VWA3A: variants seen among roughly 807,000 people sequenced by gnomAD.
VWA3A encodes von Willebrand factor A domain-containing protein 3A.
Under a neutral mutation model 160.4 loss-of-function variants are expected in VWA3A, and 134 were observed. The observed-to-expected ratio is 0.84, with a 90% CI of 0.73 to 0.96. VWA3A has a LOEUF of 0.96. Among genes scored for constraint, VWA3A ranks in the 40% least tolerant of loss-of-function variants. The probability of loss-of-function intolerance (pLI) is 0.00; values close to 1 mark genes in which losing one functional copy is unlikely to be tolerated. For missense variants in VWA3A, 1,310 were observed against 1,447.9 expected (o/e 0.90, Z 1.55); for synonymous variants, 476 against 543.4 (o/e 0.88, Z 1.72).
At chr16:22,093,938 T>TG (rs1204702285) in intron 1 of VWA3A, among the ~76,000 whole-genome samples, 1 of 123,976 alleles carries the variant, frequency 8.1e-6, no homozygotes, top group African/African-American at 5.3e-5. Context: ...CTAATTTTTG[T>TG]ATTTTTTTTT....
chr16:22,131,461 C>A, intron 18 of VWA3A, 124 bp from the exon 19 acceptor site: 1 of 1,500,346 alleles, frequency 6.7e-7, no homozygotes. Flanking sequence ...GCCATCTTCA[C>A]TTTATGAGAG....
At chr16:22,103,432 T>C (rs1441474571) in intron 5 of VWA3A, 43 bp from the exon 6 acceptor site, 5 of 1,540,900 alleles carry the variant, frequency 3.2e-6, no homozygotes, top group Non-Finnish European at 3.5e-6. Flanking sequence ...TGCTCAGTGA[T>C]GACGCTGGCC....
chr16:22,136,467 G>T (rs988881297), intron 21 of VWA3A, among the ~76,000 whole-genome samples: 5 of 152,128 alleles, frequency 3.3e-5, no homozygotes, highest in Non-Finnish European at 5.9e-5. Flanking sequence ...GCTGGAGATG[G>T]AGATTTAGGG....
rs762100632 is a variant in VWA3A, at chr16:22,123,092, T to C, written c.1364T>C (p.Met455Thr). Residue 455 changes from methionine (M) to threonine (T), a missense_variant, in exon 15 of 34, where the codon ATG becomes ACG. Met to Thr is a moderately conservative substitution (Grantham distance 81, BLOSUM62 -1). Coordinates refer to ENST00000389398, the MANE Select transcript of VWA3A (RefSeq NM_173615.5). Reference sequence around the variant, plus strand: ...GCCCATGCCTGAGTATAGAAGGCAATGATACAATTTGAATGGCACGACGGG... The same window carrying C: ...GCCCATGCCTGAGTATAGAAGGCAACGATACAATTTGAATGGCACGACGGG... The part of the protein sequence containing the change: ...TVSSTIHEKA[M>T]IQFEWHDGTV... The C allele has an allele frequency of 1.2e-6, 2 of 1,601,800 alleles. No individual in the cohort carries two copies. The highest frequency in any genetic ancestry group is 2.7e-5 in the African/African-American group (2 of 74,786).
At position 22,148,161 on chromosome 16, in the gene VWA3A, G is replaced by A. The variant is rs199807789; in HGVS notation, c.2840-1G>A. 1.7e-5 allele frequency: 27 copies of A among 1,597,052 alleles called. No individual in the cohort carries two copies. The highest frequency in any genetic ancestry group is 1.4e-4 in the Admixed American group (8 of 57,548). On this transcript the variant is annotated splice_acceptor_variant, in intron 27 of 33. Coordinates refer to ENST00000389398, the MANE Select transcript of VWA3A (RefSeq NM_173615.5). LOFTEE classifies it high-confidence loss of function. ...CCTCTTCCCCACCTGTCTCGGAGCAGGGAGCCGCCGACTGTTTGGCACCGT... is the reference window on the plus strand; with the variant it reads ...CCTCTTCCCCACCTGTCTCGGAGCAAGGAGCCGCCGACTGTTTGGCACCGT...
At chr16:22,111,574 C>G (rs1178485592) in intron 8 of VWA3A, among the ~76,000 whole-genome samples, 1 of 152,042 alleles carries the variant, frequency 6.6e-6, no homozygotes, top group African/African-American at 2.4e-5. Flanking sequence ...CTCCACCCCA[C>G]GGGTTCAGGT....
intron 21 of VWA3A, among the ~76,000 whole-genome samples, chr16:22,136,211 A>T (rs2046036949): frequency 3.3e-5 from 5 of 152,184 alleles, no homozygotes; most frequent in Admixed American, 1.3e-4. Context: ...TCTAAGGAAG[A>T]ATTCCCCGGA....
At chr16:22,136,286 C>G (rs1598090981) in intron 21 of VWA3A, among the ~76,000 whole-genome samples, 1 of 152,266 alleles carries the variant, frequency 6.6e-6, no homozygotes, top group East Asian at 1.9e-4. Flanking sequence ...ACGCTCCTCA[C>G]TGGAGCACCC....
In VWA3A at chr16:22,123,340, AC is replaced by A; in HGVS notation, c.1437+177del. 4 of 1,168,686 alleles carry A rather than the reference AC, an allele frequency of 3.4e-6. No individual in the cohort carries two copies. In the South Asian group the frequency reaches 4.5e-5, roughly 13 times the overall value. 72.4% of individuals were successfully genotyped at this position (1,168,686 alleles called of 1,614,324 possible). A position where few individuals can be genotyped will look rare whatever the true frequency, so the allele number is the denominator to read the frequency against. On this transcript the variant is annotated intron_variant, in intron 15 of 33. Transcript: ENST00000389398. ...TTGGCCATCTCCTCCCCAAGCAGGG[AC>A]CTCAATGCCTTTAAAAAAAAAAAAG...
At chr16:22,152,674 G>T in intron 31 of VWA3A, 40 bp downstream of exon 31, 1 of 1,572,564 alleles carries the variant, frequency 6.4e-7, no homozygotes, top group South Asian at 1.2e-5. Context: ...CTGTTGAAAC[G>T]GCTCGATAAA....
intron 6 of VWA3A, among the ~76,000 whole-genome samples, chr16:22,109,226 C>T (rs2045520541): frequency 6.6e-6 from 1 of 152,138 alleles, no homozygotes; most frequent in Admixed American, 6.6e-5. Context: ...CCATGTATTA[C>T]TTCATAAGAT....
intron 14 of VWA3A, among the ~76,000 whole-genome samples, chr16:22,122,110 G>A (rs1050201754): frequency 2.7e-5 from 4 of 149,270 alleles, no homozygotes; most frequent in African/African-American, 1.0e-4. Context: ...GCAAGAAGAA[G>A]GAAAAGAATG....
In VWA3A at chr16:22,115,363, C is replaced by A. The variant is rs1229913995; in HGVS notation, c.706C>A (p.Leu236Ile). 2 of 1,598,664 alleles carry A rather than the reference C, an allele frequency of 1.3e-6. No individual in the cohort carries two copies. The highest frequency in any genetic ancestry group is 1.7e-6 in the Non-Finnish European group (2 of 1,172,510). ...VSASTLQELKLWVKTLQPDGG... is the reference protein window; with the variant it reads ...VSASTLQELKIWVKTLQPDGG... Reference sequence around the variant, plus strand: ...TCCTCCCAGCCTCCAGGAACTTAAGCTCTGGGTAAAGACGCTGCAGCCTGA... The same window carrying A: ...TCCTCCCAGCCTCCAGGAACTTAAGATCTGGGTAAAGACGCTGCAGCCTGA... Residue 236 changes from leucine to isoleucine, a missense_variant, in exon 9 of 34, where the codon CTC becomes ATC. By Grantham distance (5) the Leu-to-Ile change is conservative. Coordinates refer to ENST00000389398, the MANE Select transcript of VWA3A (RefSeq NM_173615.5).
chr16:22,132,953 G>T lies in VWA3A; in HGVS notation c.1926G>T (p.Leu642=). The part of the protein sequence containing the change: ...AEACGGCDLQ[L]NVCLFYVGEP... ...CCTGTGGCGGCTGCGACCTCCAGCT[G>T]AACGTGTGTCTCTTCTACGTGGGCG... The change falls in exon 20 of 34, where the codon CTG becomes CTT. Residue 642 remains leucine (L), a synonymous_variant. Coordinates refer to ENST00000389398, the MANE Select transcript of VWA3A (RefSeq NM_173615.5). The T allele has an allele frequency of 6.2e-7, 1 of 1,613,930 alleles. No individual in the cohort carries two copies.
chr16:22,140,937 T>C (rs1394047601), intron 23 of VWA3A, among the ~76,000 whole-genome samples: 2 of 152,112 alleles, frequency 1.3e-5, no homozygotes, highest in African/African-American at 4.8e-5. Context: ...ATAATCATAA[T>C]AGCAATAATG....
intron 11 of VWA3A, among the ~76,000 whole-genome samples, chr16:22,118,452 G>A (rs1314605643): frequency 2.6e-5 from 4 of 152,036 alleles, no homozygotes; most frequent in Non-Finnish European, 5.9e-5. Context: ...TTGGGAGGCC[G>A]AGGCGGGCAG....
chr16:22,115,923 A>AAGGAAGGAAGGAAGG (rs1156229417), intron 9 of VWA3A, among the ~76,000 whole-genome samples: 22 of 19,550 alleles, frequency 1.1e-3, no homozygotes, highest in African/African-American at 2.0e-3. Flanking sequence ...GGAAGGAAGG[A>AAGGAAGGAAGGAAGG]AAGGAAAGGA....
At chr16:22,140,291 C>G in intron 23 of VWA3A, 47 bp downstream of exon 23, 1 of 1,570,024 alleles carries the variant, frequency 6.4e-7, no homozygotes, top group Middle Eastern at 1.7e-4. Context: ...GTCACGGTCA[C>G]GGCTGAGGCA....
chr16:22,102,999 G>A (rs1330288439), intron 5 of VWA3A, among the ~76,000 whole-genome samples: 2 of 152,110 alleles, frequency 1.3e-5, no homozygotes, highest in Non-Finnish European at 2.9e-5. Context: ...CTATACACTC[G>A]ATCCCTTTCA....
Sources: gnomAD v4.1 joint callset for allele counts (sites outside exome capture counted in the v4.1 genomes callset) on GRCh38, gnomAD v4.1.1 for gene constraint, MANE v1.5 for transcripts, NCBI Gene and HGNC (gene_info 2026-07-23, HGNC 2026-07-21) for gene names.